ZHX2: variants seen among roughly 807,000 people sequenced by gnomAD.
The protein encoded by ZHX2 is zinc fingers and homeoboxes 2.
Under a neutral mutation model 21.9 loss-of-function variants are expected in ZHX2, and 6 were observed. That is an observed-to-expected ratio of 0.27 (90% CI 0.15 to 0.54). ZHX2 has a LOEUF of 0.54. ZHX2 is among the 20% of genes least tolerant of loss of function. ZHX2 has a pLI of 0.95. For synonymous variants in ZHX2, 434 were observed against 437.1 expected (o/e 0.99, Z 0.09); for missense variants, 908 against 1,090.7 (o/e 0.83, Z 2.36).
intron 1 of ZHX2, among the ~76,000 whole-genome samples, chr8:122,794,079 C>T (rs6988421): frequency 0.034 from 5,148 of 152,254 alleles, 297 homozygotes; most frequent in African/African-American, 0.12. Context: ...CAGCTCTCTA[C>T]CCCAACCCCC....
chr8:122,849,225 G>A (rs918578426), intron 1 of ZHX2, among the ~76,000 whole-genome samples: 8 of 152,156 alleles, frequency 5.3e-5, no homozygotes, highest in East Asian at 3.9e-4. Context: ...CTGAGTCTCC[G>A]TTTCCCCATT....
chr8:122,845,542 A>T lies in ZHX2; in HGVS notation c.-282-17935A>T, dbSNP rs182073700. On this transcript the variant is annotated intron_variant, in intron 1 of 3. Transcript: ENST00000314393. Reference sequence around the variant, plus strand: ...CCAATAATACCTTGTGTATATAAATATCCTTATATCTGAAAAGCATATAAA... The same window carrying T: ...CCAATAATACCTTGTGTATATAAATTTCCTTATATCTGAAAAGCATATAAA... Among the ~76,000 whole-genome samples, 16 of 152,344 alleles carry T rather than the reference A, an allele frequency of 1.1e-4. No individual in the cohort carries two copies. In the East Asian group the frequency reaches 1.7e-3, roughly 17 times the overall value.
intron 2 of ZHX2, among the ~76,000 whole-genome samples, chr8:122,874,174 G>A (rs979305335): frequency 4.6e-5 from 7 of 152,070 alleles, no homozygotes; most frequent in African/African-American, 7.3e-5. Context: ...ACCTCCATCT[G>A]CAATATTCAT....
At chr8:122,946,075 G>A (rs925850592) in intron 2 of ZHX2, among the ~76,000 whole-genome samples, 6 of 152,194 alleles carry the variant, frequency 3.9e-5, no homozygotes, top group Admixed American at 6.5e-5. Flanking sequence ...CGCACCACTC[G>A]CTATGGAAGG....
At chr8:122,944,427 C>T (rs913131295) in intron 2 of ZHX2, among the ~76,000 whole-genome samples, 4 of 152,152 alleles carry the variant, frequency 2.6e-5, no homozygotes, top group South Asian at 2.1e-4. Flanking sequence ...CCTCCCCCAA[C>T]CCTGCCCTAC....
Position 122,857,628 on chromosome 8 carries a change from G to T in ZHX2, c.-282-5849G>T, listed in dbSNP as rs141022951. 2.6e-3 allele frequency among the ~76,000 whole-genome samples: 402 copies of T among 152,228 alleles called. 4 individuals carry two copies. The highest frequency in any genetic ancestry group is 9.0e-3 in the African/African-American group (372 of 41,530). ...TAGGTTGTGGCTGGAGGGAGAGATG[G>T]CCCAGTTTTCCACAACTCCAGTTAC... is the stretch of plus-strand genomic sequence containing the variant. On this transcript the variant is annotated intron_variant, in intron 1 of 3. Transcript: ENST00000314393.
At chr8:122,922,557 A>G (rs755767051) in intron 2 of ZHX2, among the ~76,000 whole-genome samples, 85 of 152,204 alleles carry the variant, frequency 5.6e-4, no homozygotes, top group Non-Finnish European at 1.1e-3. Context: ...ATCATGTGGC[A>G]GCCATGACCT....
chr8:122,881,353 G>A (rs901374692), intron 2 of ZHX2, among the ~76,000 whole-genome samples: 1 of 152,166 alleles, frequency 6.6e-6, no homozygotes, highest in Non-Finnish European at 1.5e-5. Flanking sequence ...CAAAATCTTA[G>A]GTTCATATTT....
intron 1 of ZHX2, among the ~76,000 whole-genome samples, chr8:122,840,691 T>C (rs1001264475): frequency 1.3e-5 from 2 of 152,256 alleles, no homozygotes; most frequent in African/African-American, 4.8e-5. Flanking sequence ...TGTTGGGTTT[T>C]CATGGAAGGA....
At chr8:122,858,059 T>C (rs560250617) in intron 1 of ZHX2, among the ~76,000 whole-genome samples, 5 of 152,222 alleles carry the variant, frequency 3.3e-5, no homozygotes, top group Non-Finnish European at 7.3e-5. Flanking sequence ...AAGACTGCAC[T>C]TCTGGCTTGT....
chr8:122,969,578 A>G (rs1813669342), intron 3 of ZHX2, among the ~76,000 whole-genome samples: 1 of 152,206 alleles, frequency 6.6e-6, no homozygotes, highest in Non-Finnish European at 1.5e-5. Context: ...AAAAAATGCA[A>G]CCAGAAAGAA....
intron 1 of ZHX2, among the ~76,000 whole-genome samples, chr8:122,837,612 G>A (rs191956222): frequency 1.2e-4 from 18 of 152,292 alleles, no homozygotes; most frequent in East Asian, 7.7e-4. Context: ...TTCCTAGTGC[G>A]TTTTACAGGT....
chr8:122,786,058 A>C (rs1817388914), intron 1 of ZHX2, among the ~76,000 whole-genome samples: 1 of 152,198 alleles, frequency 6.6e-6, no homozygotes, highest in Non-Finnish European at 1.5e-5. Context: ...TACAATAAAG[A>C]AGTGAGGGAT....
chr8:122,896,558 T>C (rs976443631), intron 2 of ZHX2, among the ~76,000 whole-genome samples: 3 of 152,268 alleles, frequency 2.0e-5, no homozygotes, highest in African/African-American at 7.2e-5. Flanking sequence ...ATCTATTACA[T>C]GTTCAATATG....
chr8:122,822,725 C>A (rs1033610857), intron 1 of ZHX2, among the ~76,000 whole-genome samples: 1 of 152,146 alleles, frequency 6.6e-6, no homozygotes, highest in African/African-American at 2.4e-5. Flanking sequence ...GACTTCTTGC[C>A]GGGTGAATGT....
intron 2 of ZHX2, among the ~76,000 whole-genome samples, chr8:122,896,288 A>G (rs957084757): frequency 6.8e-6 from 1 of 146,450 alleles, no homozygotes; most frequent in African/African-American, 2.6e-5. Context: ...TCTAGGAATT[A>G]TTTTACTCCC....
At chr8:122,811,660 A>C (rs1294954372) in intron 1 of ZHX2, among the ~76,000 whole-genome samples, 1 of 152,190 alleles carries the variant, frequency 6.6e-6, no homozygotes, top group Non-Finnish European at 1.5e-5. Flanking sequence ...ATGGTCCGTG[A>C]GTGGCTGTCA....
chr8:122,864,569 C>T (rs531187524), intron 2 of ZHX2, among the ~76,000 whole-genome samples: 11 of 152,142 alleles, frequency 7.2e-5, no homozygotes, highest in Admixed American at 1.3e-4. Context: ...TCAAGGGACT[C>T]GGCCCAAGAT....
chr8:122,804,364 A>T (rs7014080), intron 1 of ZHX2, among the ~76,000 whole-genome samples: 1 of 152,044 alleles, frequency 6.6e-6, no homozygotes, highest in Non-Finnish European at 1.5e-5. Context: ...CCACCTCGGC[A>T]TCCCAAAGTG....
Sources: gnomAD v4.1 joint callset for allele counts (sites outside exome capture counted in the v4.1 genomes callset) on GRCh38, gnomAD v4.1.1 for gene constraint, MANE v1.5 for transcripts, NCBI Gene and HGNC (gene_info 2026-07-23, HGNC 2026-07-21) for gene names.